Variants in SLC6A11 observed in about 807,000 individuals in gnomAD.
SLC6A11 encodes solute carrier family 6 member 11.
Under a neutral mutation model 74.8 loss-of-function variants are expected in SLC6A11, and 25 were observed. The observed-to-expected ratio is 0.33, with a 90% CI of 0.24 to 0.47. The LOEUF (loss-of-function observed/expected upper bound fraction) is 0.47, where lower values mean the gene tolerates loss of function less well. SLC6A11 is among the 20% of genes least tolerant of loss of function. SLC6A11 has a pLI of 1.00. For missense variants in SLC6A11, 574 were observed against 837.0 expected (o/e 0.69, Z 3.88); for synonymous variants, 330 against 330.2 (o/e 1.00, Z 0.01).
At chr3:10,857,821 A>G (rs1276514684) in intron 5 of SLC6A11, among the ~76,000 whole-genome samples, 1 of 152,230 alleles carries the variant, frequency 6.6e-6, no homozygotes, top group Non-Finnish European at 1.5e-5. Context: ...TAAGTTCAAG[A>G]AAATTGATAT....
intron 6 of SLC6A11, among the ~76,000 whole-genome samples, chr3:10,882,867 C>T (rs186316816): frequency 2.0e-3 from 301 of 152,248 alleles, no homozygotes; most frequent in Admixed American, 3.2e-3. Flanking sequence ...GAATATCGGC[C>T]GCACAGGGAG....
intron 5 of SLC6A11, among the ~76,000 whole-genome samples, chr3:10,860,393 C>G (rs1158901164): frequency 6.6e-6 from 1 of 152,124 alleles, no homozygotes; most frequent in African/African-American, 2.4e-5. Flanking sequence ...AAACATGTTT[C>G]TTAGAACTGA....
chr3:10,901,603 C>T (rs764111350), intron 6 of SLC6A11, among the ~76,000 whole-genome samples: 1 of 152,214 alleles, frequency 6.6e-6, no homozygotes, highest in Non-Finnish European at 1.5e-5. Flanking sequence ...ACCACTGTTC[C>T]CACTGGCCCT....
At chr3:10,928,337 G>C (rs930374482) in intron 9 of SLC6A11, among the ~76,000 whole-genome samples, 1 of 152,122 alleles carries the variant, frequency 6.6e-6, no homozygotes, top group Non-Finnish European at 1.5e-5. Flanking sequence ...AAGCAGGAAA[G>C]GGCCCCCAGG....
intron 6 of SLC6A11, 25 bp from the exon 7 acceptor site, chr3:10,912,065 C>G: frequency 6.6e-7 from 1 of 1,513,964 alleles, no homozygotes; most frequent in Non-Finnish European, 9.2e-7. Flanking sequence ...TCTGTTTATG[C>G]CAACATCTTT....
At chr3:10,920,857 G>A (rs1205343061) in intron 8 of SLC6A11, among the ~76,000 whole-genome samples, 2 of 152,228 alleles carry the variant, frequency 1.3e-5, no homozygotes, top group East Asian at 3.9e-4. Context: ...AGGAAAACCT[G>A]CTCTGTGCCT....
chr3:10,913,847 C>T (rs1002608783), intron 7 of SLC6A11, among the ~76,000 whole-genome samples: 1 of 152,170 alleles, frequency 6.6e-6, no homozygotes, highest in Non-Finnish European at 1.5e-5. Flanking sequence ...GCGCCCGCCA[C>T]CACGCCCGGC....
chr3:10,854,787 A>G (rs964956748), intron 5 of SLC6A11, among the ~76,000 whole-genome samples: 2 of 152,272 alleles, frequency 1.3e-5, no homozygotes, highest in East Asian at 3.9e-4. Flanking sequence ...CAGTCTTCCT[A>G]CCTCCTCTAG....
chr3:10,883,351 G>A (rs951945128), intron 6 of SLC6A11, among the ~76,000 whole-genome samples: 2 of 152,096 alleles, frequency 1.3e-5, no homozygotes, highest in Non-Finnish European at 2.9e-5. Context: ...AAATCACATT[G>A]TTCCTGCCCC....
intron 6 of SLC6A11, 39 bp downstream of exon 6, chr3:10,875,134 C>T: frequency 6.5e-7 from 1 of 1,537,892 alleles, no homozygotes. Flanking sequence ...TCACCCACCA[C>T]CACTGGGAAG....
chr3:10,890,166 A>G (rs114811037), intron 6 of SLC6A11, among the ~76,000 whole-genome samples: 113 of 152,116 alleles, frequency 7.4e-4, no homozygotes, highest in African/African-American at 2.6e-3. Flanking sequence ...AGAACATTCT[A>G]TTGGACATTA....
intron 5 of SLC6A11, among the ~76,000 whole-genome samples, chr3:10,868,293 A>G (rs1215241995): frequency 6.6e-6 from 1 of 152,098 alleles, no homozygotes; most frequent in East Asian, 1.9e-4. Context: ...TGACTCCATT[A>G]TCCTGGAAAT....
At chr3:10,908,366 C>A (rs9868537) in intron 6 of SLC6A11, among the ~76,000 whole-genome samples, 21,921 of 152,064 alleles carry the variant, frequency 0.14, 2,328 homozygotes, top group African/African-American at 0.29. Flanking sequence ...AGCAGAGAAC[C>A]AACAGACTGT....
intron 5 of SLC6A11, among the ~76,000 whole-genome samples, chr3:10,855,325 A>G (rs1694625974): frequency 6.6e-6 from 1 of 152,198 alleles, no homozygotes; most frequent in South Asian, 2.1e-4. Context: ...AACTATGATA[A>G]TGAATCCAGA....
intron 5 of SLC6A11, among the ~76,000 whole-genome samples, chr3:10,873,456 C>CCTATCCT (rs1559566755): frequency 3.2e-5 from 3 of 92,634 alleles, no homozygotes; most frequent in East Asian, 3.4e-4. Context: ...TATCCTATGG[C>CCTATCCT]ATGCTATCCT....
intron 5 of SLC6A11, among the ~76,000 whole-genome samples, chr3:10,854,460 A>C (rs896241374): frequency 6.6e-6 from 1 of 152,218 alleles, no homozygotes; most frequent in African/African-American, 2.4e-5. Flanking sequence ...ACATTCTCTC[A>C]TTGTTTATGT....
At chr3:10,930,198 G>C (rs1041065103) in intron 10 of SLC6A11, among the ~76,000 whole-genome samples, 3 of 152,118 alleles carry the variant, frequency 2.0e-5, no homozygotes, top group Non-Finnish European at 4.4e-5. Flanking sequence ...CTCATATGCT[G>C]CCTCCTCCTG....
At chr3:10,837,206 C>G (rs1040711503) in intron 4 of SLC6A11, among the ~76,000 whole-genome samples, 2 of 152,122 alleles carry the variant, frequency 1.3e-5, no homozygotes, top group African/African-American at 4.8e-5. Context: ...ATGTTCCCAG[C>G]CGAGGGAATC....
intron 5 of SLC6A11, among the ~76,000 whole-genome samples, chr3:10,871,436 ATCT>A (rs1408980116): frequency 6.6e-6 from 1 of 152,326 alleles, no homozygotes; most frequent in East Asian, 1.9e-4. Context: ...TGGATAATTA[ATCT>A]TCTGCCACAC....
Sources: gnomAD v4.1 joint callset for allele counts (sites outside exome capture counted in the v4.1 genomes callset) on GRCh38, gnomAD v4.1.1 for gene constraint, MANE v1.5 for transcripts, NCBI Gene and HGNC (gene_info 2026-07-23, HGNC 2026-07-21) for gene names.